The following PKN2 variants were observed in gnomAD, a reference collection of about 807,000 sequenced individuals.
The protein encoded by PKN2 is protein kinase N2, also known as serine/threonine-protein kinase N2.
In PKN2, 38 loss-of-function variants were observed where a neutral mutation model predicts 119.1. That is an observed-to-expected ratio of 0.32 (90% CI 0.25 to 0.42). The LOEUF is 0.42. Among genes scored for constraint, PKN2 ranks in the 10% least tolerant of loss-of-function variants. PKN2 has a pLI of 1.00. For missense variants in PKN2, 850 were observed against 1,165.1 expected, an observed-to-expected ratio of 0.73 and a Z score of 3.94; for synonymous variants, 390 against 384.9, an observed-to-expected ratio of 1.01 and a Z score of -0.15.
chr1:88,712,682 A>G (rs922909438), intron 1 of PKN2, among the ~76,000 whole-genome samples: 1 of 152,200 alleles, frequency 6.6e-6, no homozygotes, highest in Admixed American at 6.5e-5. Context: ...AAGGTTGTAA[A>G]TGAGAATCCA....
intron 8 of PKN2, among the ~76,000 whole-genome samples, chr1:88,797,121 G>A (rs1298335478): frequency 6.6e-6 from 1 of 151,628 alleles, no homozygotes; most frequent in African/African-American, 2.4e-5. Context: ...ATCACCTGAG[G>A]TCAGGAGTTC....
In PKN2 at chr1:88,807,613, T is replaced by C. The variant is rs1671602342; in HGVS notation, c.2010+9T>C. On this transcript the variant is annotated intron_variant, in intron 14 of 21. Transcript: ENST00000370521. The stretch of plus-strand genomic sequence containing the variant: ...GAGGACATTTTGGAAAGGTAATCTT[T>C]TTGGAATTTTTTGGAATATCTACAA... The C allele has an allele frequency of 6.3e-7, 1 of 1,585,680 alleles. No individual in the cohort carries two copies. Among genetic ancestry groups the C allele is most frequent in the Non-Finnish European group, 8.6e-7 (1 of 1,157,234 alleles).
chr1:88,699,387 A>T (rs530890228), intron 1 of PKN2, among the ~76,000 whole-genome samples: 1 of 152,250 alleles, frequency 6.6e-6, no homozygotes, highest in East Asian at 1.9e-4. Flanking sequence ...GAATTATTTA[A>T]TGTAATTTTA....
At chr1:88,735,668 C>T (rs1423952562) in intron 1 of PKN2, among the ~76,000 whole-genome samples, 1 of 133,592 alleles carries the variant, frequency 7.5e-6, no homozygotes, top group South Asian at 2.4e-4. Context: ...TCTCACTCAT[C>T]CTGACTTATA....
At chr1:88,698,268 C>G (rs904113806) in intron 1 of PKN2, among the ~76,000 whole-genome samples, 2 of 152,248 alleles carry the variant, frequency 1.3e-5, no homozygotes, top group Admixed American at 6.5e-5. Context: ...CCACCACCCC[C>G]CTTTTCTTTC....
At chr1:88,736,366 T>A (rs1024885221) in intron 1 of PKN2, among the ~76,000 whole-genome samples, 51 of 147,620 alleles carry the variant, frequency 3.5e-4, no homozygotes, top group South Asian at 3.2e-3. Flanking sequence ...TTTCTTAAAA[T>A]TTTTTTTTTT....
At chr1:88,789,365 A>G (rs1670714604) in intron 8 of PKN2, among the ~76,000 whole-genome samples, 1 of 152,156 alleles carries the variant, frequency 6.6e-6, no homozygotes, top group Admixed American at 6.5e-5. Flanking sequence ...GCAAGTCACA[A>G]GATTATAAGA....
rs377653738 is a variant in PKN2 at position 88,833,051 on chromosome 1, A to G, written c.2671-26A>G. ...AATTTTATTCTATTGGTTTTATTTTAACTTTTTTATTTTACATTATGCTAG... is the reference window on the plus strand; with the variant it reads ...AATTTTATTCTATTGGTTTTATTTTGACTTTTTTATTTTACATTATGCTAG... On this transcript the variant is annotated intron_variant, in intron 20 of 21. Coordinates refer to ENST00000370521, the MANE Select transcript of PKN2 (RefSeq NM_006256.4). 9 of 1,562,534 alleles carry G rather than the reference A, an allele frequency of 5.8e-6. No homozygotes were observed. In the African/African-American group the frequency reaches 1.2e-4, roughly 22 times the overall value.
chr1:88,785,470 T>A (rs1473463060), intron 7 of PKN2, among the ~76,000 whole-genome samples: 1 of 152,156 alleles, frequency 6.6e-6, no homozygotes, highest in African/African-American at 2.4e-5. Flanking sequence ...AACATTGAAA[T>A]TTTGGTAATC....
Position 88,806,081 on chromosome 1 carries a change from A to G in PKN2, c.1803+64A>G, listed in dbSNP as rs929903554. ...AATGAATTAGCAATAAAAGCATCAT[A>G]GTGAATAAGGCGTGTCTTTCCATTT... On this transcript the variant is annotated intron_variant, in intron 12 of 21. Coordinates refer to ENST00000370521, the MANE Select transcript of PKN2 (RefSeq NM_006256.4). 1.5e-5 allele frequency: 20 copies of G among 1,348,570 alleles called. No individual in the cohort carries two copies. The East Asian group carries it at 2.1e-4, about 14-fold the overall frequency. The allele number at this position is 1,348,570 out of a possible 1,614,324, so 83.5% of individuals were successfully genotyped here.
chr1:88,723,085 A>G (rs1667748565), intron 1 of PKN2, among the ~76,000 whole-genome samples: 1 of 152,004 alleles, frequency 6.6e-6, no homozygotes, highest in Non-Finnish European at 1.5e-5. Flanking sequence ...TCATTCAAAC[A>G]TGGTTCTTTG....
chr1:88,735,615 CCA>C (rs1406184256), intron 1 of PKN2, among the ~76,000 whole-genome samples: 1,019 of 79,826 alleles, frequency 0.013, 15 homozygotes, highest in South Asian at 0.063. Flanking sequence ...CCCCCCCCCC[CCA>C]CCCCCAATCT....
intron 8 of PKN2, among the ~76,000 whole-genome samples, chr1:88,794,841 T>C (rs1255554383): frequency 6.6e-6 from 1 of 152,212 alleles, no homozygotes; most frequent in Non-Finnish European, 1.5e-5. Flanking sequence ...AGCATTTCTT[T>C]ACTGATACTG....
chr1:88,750,243 A>G (rs1397470476), intron 2 of PKN2, among the ~76,000 whole-genome samples: 1 of 152,204 alleles, frequency 6.6e-6, no homozygotes, highest in East Asian at 1.9e-4. Flanking sequence ...TCTGAGAAGT[A>G]AAGACTCAAG....
chr1:88,713,623 T>C (rs888011171), intron 1 of PKN2, among the ~76,000 whole-genome samples: 1 of 152,114 alleles, frequency 6.6e-6, no homozygotes, highest in Non-Finnish European at 1.5e-5. Context: ...TTGATGGGGT[T>C]GTTTGATTTT....
intron 16 of PKN2, among the ~76,000 whole-genome samples, chr1:88,820,214 ATATATATATATATATATAT>A (rs1557634911): frequency 4.3e-5 from 5 of 115,130 alleles, no homozygotes; most frequent in African/African-American, 1.7e-4. Flanking sequence ...ATATATATAT[ATATATATATATATATATAT>A]AAATAGAAAA....
At chr1:88,770,303 T>G in intron 3 of PKN2, 49 bp from the exon 4 acceptor site, 1 of 1,071,306 alleles carries the variant, frequency 9.3e-7, no homozygotes, top group South Asian at 1.3e-5. Context: ...GGAAAATGTT[T>G]CATTTTTCCC....
At chr1:88,746,657 G>A (rs1668782062) in intron 2 of PKN2, among the ~76,000 whole-genome samples, 1 of 152,110 alleles carries the variant, frequency 6.6e-6, no homozygotes, top group Non-Finnish European at 1.5e-5. Context: ...ATTGTTGGTG[G>A]TATTGTAACA....
Position 88,770,467 on chromosome 1 carries a change from A to G in PKN2, c.620A>G (p.Asn207Ser). The G allele has an allele frequency of 6.8e-7, 1 of 1,473,686 alleles. No homozygotes were observed. Among genetic ancestry groups the G allele is most frequent in the Non-Finnish European group, 9.5e-7 (1 of 1,051,744 alleles). 91.3% of individuals were successfully genotyped at this position (1,473,686 alleles called of 1,614,324 possible). ...CAGACTAATGAATTGGCTTTTGATAATGGTGATGGAATAAATTGTCCTCCT... is the reference window on the plus strand; with the variant it reads ...CAGACTAATGAATTGGCTTTTGATAGTGGTGATGGAATAAATTGTCCTCCT... ...AVQTNELAFD[N>S]AKPVISPLEL... is the part of the protein sequence containing the mutation. The change falls in exon 4 of 22, where the codon AAT becomes AGT. Residue 207 changes from asparagine to serine, a missense_variant and splice_region_variant. By Grantham distance (46) the Asn-to-Ser change is conservative. Around this residue, in one of 9 missense-constraint regions of PKN2, gnomAD observed 350 missense variants for 511.1 expected, o/e 0.68. Transcript: ENST00000370521.
Sources: allele counts gnomAD v4.1 joint callset (sites outside exome capture counted in the v4.1 genomes callset), GRCh38; gene constraint gnomAD v4.1.1; regional missense constraint gnomAD v4.1.1; transcripts MANE v1.5; gene names NCBI Gene and HGNC (gene_info 2026-07-23, HGNC 2026-07-21).